Variants in CACNA1C observed in about 807,000 individuals in gnomAD.
CACNA1C encodes voltage-dependent L-type calcium channel subunit alpha-1C.
A neutral mutation model predicts 229.0 loss-of-function variants in CACNA1C; 30 were observed. The observed-to-expected ratio is 0.13, with a 90% CI of 0.10 to 0.18. The LOEUF (loss-of-function observed/expected upper bound fraction) is 0.18. CACNA1C is among the 10% of genes least tolerant of loss of function. The pLI, the probability that CACNA1C is intolerant of heterozygous loss-of-function variation, is 1.00. For missense variants in CACNA1C, 1,658 were observed against 2,845.0 expected (o/e 0.58, Z 9.49); for synonymous variants, 1,114 against 1,132.5 (o/e 0.98, Z 0.33).
Position 2,218,575 on chromosome 12 carries a change from C to T in CACNA1C, c.477+98145C>T, listed in dbSNP as rs547379600. Among the ~76,000 whole-genome samples the T allele has an allele frequency of 1.4e-3, 214 of 152,186 alleles. 1 individual carries two copies. The highest frequency in any genetic ancestry group is 4.8e-3 in the African/African-American group (198 of 41,522). On this transcript the variant is annotated intron_variant, in intron 3 of 46. Transcript: ENST00000399655. ...GTCCTACGTCCAGCCTAGAGCTCAG[C>T]GCATCTTTCAGCTGCCAAATGGAAG...
intron 29 of CACNA1C, among the ~76,000 whole-genome samples, chr12:2,627,829 C>G (rs1032669871): frequency 6.6e-6 from 1 of 152,144 alleles, no homozygotes. Context: ...AATCCAGCCC[C>G]GAAGTCCTGC....
At chr12:2,386,743 A>G in intron 3 of CACNA1C, among the ~76,000 whole-genome samples, 1 of 152,200 alleles carries the variant, frequency 6.6e-6, no homozygotes, top group East Asian at 1.9e-4. Context: ...GACACTAAGC[A>G]CCCGAGGGCA....
intron 3 of CACNA1C, among the ~76,000 whole-genome samples, chr12:2,300,970 A>G (rs1401130906): frequency 2.6e-5 from 4 of 152,198 alleles, no homozygotes; most frequent in Admixed American, 6.5e-5. Flanking sequence ...ATGGAAGGTG[A>G]GGGTCCCTGT....
intron 1 of CACNA1C, among the ~76,000 whole-genome samples, chr12:2,077,999 C>T (rs559003427): frequency 2.0e-5 from 3 of 152,184 alleles, no homozygotes; most frequent in Non-Finnish European, 4.4e-5. Flanking sequence ...TGTATACATA[C>T]TGCTGTGGAC....
intron 1 of CACNA1C, among the ~76,000 whole-genome samples, chr12:2,079,296 T>C (rs1028384052): frequency 1.3e-5 from 2 of 151,840 alleles, no homozygotes; most frequent in African/African-American, 4.8e-5. Context: ...TAAAAAAAAA[T>C]AGTTAAGATG....
intron 6 of CACNA1C, among the ~76,000 whole-genome samples, chr12:2,487,694 A>T (rs2099702913): frequency 6.6e-6 from 1 of 152,062 alleles, no homozygotes; most frequent in Non-Finnish European, 1.5e-5. Flanking sequence ...CCTGTTTTCA[A>T]AAATGGAATC....
rs1211529532 is a variant in CACNA1C at position 2,053,595 on chromosome 12, A to G, written c.33A>G (p.Pro11=). The change falls in exon 1 of 47, where the codon CCA becomes CCG. Residue 11 remains proline, a synonymous_variant. Transcript: ENST00000399655. The surrounding 1 kb of genome is among the most constrained non-coding windows in gnomAD (Gnocchi z 5.8). ...ATGAGAATACGAGGATGTACATTCC[A>G]GAGGAAAACCACCAAGGTAAGGCTG... MVNENTRMYI[P]EENHQGSNYG... is the part of the protein sequence containing the mutation. 1 of 1,599,290 alleles carries G rather than the reference A, an allele frequency of 6.3e-7. No individual in the cohort carries two copies. Among genetic ancestry groups the G allele is most frequent in the African/African-American group, 1.3e-5 (1 of 74,600 alleles).
chr12:2,687,522 A>G (rs913638436), intron 45 of CACNA1C, among the ~76,000 whole-genome samples: 2 of 149,400 alleles, frequency 1.3e-5, no homozygotes, highest in African/African-American at 4.9e-5. Context: ...TCAGGGACAG[A>G]GGGCGTACCG....
At chr12:2,428,852 C>T (rs949346611) in intron 3 of CACNA1C, among the ~76,000 whole-genome samples, 3 of 152,176 alleles carry the variant, frequency 2.0e-5, no homozygotes, top group Admixed American at 6.5e-5. Flanking sequence ...AGCCTTGTCA[C>T]GCTGATTCTG....
chr12:2,682,119 A>G (rs2097178371), intron 42 of CACNA1C: 1 of 937,596 alleles, frequency 1.1e-6, no homozygotes, highest in African/African-American at 1.6e-5. Flanking sequence ...CACCATCAAA[A>G]TAAGAGGCCA....
chr12:1,992,561 G>A (rs2039685226), intron 1 of CACNA1C: 1 of 156,214 alleles, frequency 6.4e-6, no homozygotes. Flanking sequence ...TTTTCTGTGT[G>A]TAGAGATGTC....
intron 3 of CACNA1C, among the ~76,000 whole-genome samples, chr12:2,205,316 C>T (rs1160285039): frequency 6.6e-6 from 1 of 152,144 alleles, no homozygotes; most frequent in Admixed American, 6.5e-5. Flanking sequence ...TGGGGCTTGG[C>T]TGGTGGGGGC....
chr12:2,324,275 G>T (rs1305028972), intron 3 of CACNA1C, among the ~76,000 whole-genome samples: 1 of 152,182 alleles, frequency 6.6e-6, no homozygotes, highest in Non-Finnish European at 1.5e-5. Context: ...ACCTCACAGG[G>T]CCACAGACAC....
chr12:1,998,777 C>T (rs2041512914), intron 1 of CACNA1C, among the ~76,000 whole-genome samples: 1 of 152,166 alleles, frequency 6.6e-6, no homozygotes, highest in African/African-American at 2.4e-5. Context: ...GTTTGACTAA[C>T]CACGAACCAG....
At chr12:2,190,184 A>G (rs542115360) in intron 3 of CACNA1C, among the ~76,000 whole-genome samples, 146 of 152,362 alleles carry the variant, frequency 9.6e-4, no homozygotes, top group Non-Finnish European at 1.3e-3. Flanking sequence ...CTTATTGCCT[A>G]ATTAGCAATG....
intron 1 of CACNA1C, among the ~76,000 whole-genome samples, chr12:2,056,186 AGT>A (rs1410964999): frequency 1.9e-5 from 2 of 103,480 alleles, no homozygotes; most frequent in African/African-American, 4.0e-5. Flanking sequence ...TGCATGTGTG[AGT>A]GTGTGTGAGT....
In CACNA1C at chr12:2,610,571, C is replaced by A. The variant is rs888326149; in HGVS notation, c.3589C>A (p.Arg1197=). ...GTGCGTGGAATACGCCCTCAAGGCC[C>A]GGCCCCTGCGGAGGTACATCCCCAA... ...RQCVEYALKA[R]PLRRYIPKNQ... Residue 1197 remains arginine (R), a synonymous_variant, in exon 28 of 47, where the codon CGG becomes AGG. Coordinates refer to ENST00000399655, the MANE Select transcript of CACNA1C (RefSeq NM_000719.7). The A allele has an allele frequency of 1.2e-6, 2 of 1,613,850 alleles. No homozygotes were observed. The highest frequency in any genetic ancestry group is 1.7e-6 in the Non-Finnish European group (2 of 1,179,876).
chr12:2,579,085 A>T (rs1024022466), intron 13 of CACNA1C, among the ~76,000 whole-genome samples: 1 of 152,096 alleles, frequency 6.6e-6, no homozygotes, highest in Non-Finnish European at 1.5e-5. Flanking sequence ...GGCCTCCCCC[A>T]GACTTTCTTG....
intron 5 of CACNA1C, among the ~76,000 whole-genome samples, chr12:2,484,061 C>T (rs2099687673): frequency 6.6e-6 from 1 of 152,238 alleles, no homozygotes; most frequent in Non-Finnish European, 1.5e-5. Flanking sequence ...AGGCACAGTC[C>T]CTCTCACAAA....
Sources: gnomAD v4.1 joint callset for allele counts (sites outside exome capture counted in the v4.1 genomes callset) on GRCh38, gnomAD v4.1.1 for gene constraint, Gnocchi (gnomAD v3.1) non-coding constraint, MANE v1.5 for transcripts, NCBI Gene and HGNC (gene_info 2026-07-23, HGNC 2026-07-21) for gene names.